Variants in PCBP4 observed in about 807,000 individuals in gnomAD.
The protein encoded by PCBP4 is poly(rC)-binding protein 4.
A neutral mutation model predicts 46.2 loss-of-function variants in PCBP4; 24 were observed. The observed-to-expected ratio is 0.52, with a 90% CI of 0.38 to 0.73. The LOEUF is 0.73. Ranked by LOEUF, PCBP4 falls within the 30% of genes least tolerant of loss-of-function variation. PCBP4 has a pLI of 0.00. For synonymous variants in PCBP4, 203 were observed against 224.4 expected (o/e 0.90, Z 0.85); for missense variants, 407 against 537.0 (o/e 0.76, Z 2.39).
rs775008289 is a variant in PCBP4, at chr3:51,958,869, C to T, written c.844G>A (p.Glu282Lys). Residue 282 changes from glutamate (E) to lysine (K), a missense_variant, in exon 13 of 14, where the codon GAG (glutamate) becomes AAG (lysine). Physicochemically the swap from Glu to Lys is moderately conservative, Grantham distance 56. Transcript: ENST00000461554. The surrounding 1 kb of genome is among the most constrained non-coding windows in gnomAD (Gnocchi z 5.4). Reference sequence around the variant, plus strand: ...GTGACATGCCGCTCCCCAGCGCCCTCTGCTTGGTTCCCGATCTTGATATGT... The same window carrying T: ...GTGACATGCCGCTCCCCAGCGCCCTTTGCTTGGTTCCCGATCTTGATATGT... ...GAHIKIGNQA[E>K]GAGERHVTIT... The T allele has an allele frequency of 6.2e-7, 1 of 1,614,006 alleles. No individual in the cohort carries two copies. The highest frequency in any genetic ancestry group is 1.7e-5 in the Admixed American group (1 of 60,006).
chr3:51,958,300 C>T lies in PCBP4; in HGVS notation c.973G>A (p.Ala325Thr), dbSNP rs770277994. 1.5e-5 allele frequency: 23 copies of T among 1,538,632 alleles called. No homozygotes were observed. The East Asian group carries it at 1.6e-4, about 11-fold the overall frequency. The change falls in exon 14 of 14, where the codon GCA (alanine) becomes ACA (threonine). Residue 325 changes from alanine (A) to threonine (T), a missense_variant. Coordinates refer to ENST00000461554, the MANE Select transcript of PCBP4 (RefSeq NM_001174100.2). This position sits in a 1 kb window ranked among gnomAD's most constrained non-coding sequence, Gnocchi z 5.4. Reference sequence around the variant, plus strand: ...GGCGAGAAGGGGGCAGGCAGGTCTGCGGGGGCCGAGCTGGGCGTCCCCCCA... The same window carrying T: ...GGCGAGAAGGGGGCAGGCAGGTCTGTGGGGGCCGAGCTGGGCGTCCCCCCA... ...TSGGTPSSAPADLPAPFSPPL... is the reference protein window; with the variant it reads ...TSGGTPSSAPTDLPAPFSPPL...
chr3:51,960,431 T>G lies in PCBP4; in HGVS notation c.255+95A>C. On this transcript the variant is annotated intron_variant, in intron 6 of 13. Transcript: ENST00000461554. The surrounding 1 kb of genome is among the most constrained non-coding windows in gnomAD (Gnocchi z 5.0). Reference sequence around the variant, plus strand: ...CTTCAAGGGAACACTGCCCTGGGCTTGACCTCCCCTCCCACCCATAGCCAC... The same window carrying G: ...CTTCAAGGGAACACTGCCCTGGGCTGGACCTCCCCTCCCACCCATAGCCAC... 1 of 1,557,272 alleles carries G rather than the reference T, an allele frequency of 6.4e-7. No individual in the cohort carries two copies. Among genetic ancestry groups the G allele is most frequent in the Non-Finnish European group, 8.8e-7 (1 of 1,133,372 alleles).
chr3:51,959,844 C>A lies in PCBP4; in HGVS notation c.516+51G>T, dbSNP rs1236611411. ...ATAGGGTTTGGGGTCCCCGACAAGG[C>A]AGACCCAGGGCCCATCTCCTGCCCC... On this transcript the variant is annotated intron_variant, in intron 8 of 13. Transcript: ENST00000461554. This position sits in a 1 kb window ranked among gnomAD's most constrained non-coding sequence, Gnocchi z 5.6. The A allele has an allele frequency of 2.6e-6, 4 of 1,553,530 alleles. No individual in the cohort carries two copies. Among genetic ancestry groups the A allele is most frequent in the Admixed American group, 1.9e-5 (1 of 53,082 alleles).
Position 51,959,204 on chromosome 3 carries a change from G to T in PCBP4, c.700+25C>A, listed in dbSNP as rs770014862. 6.2e-7 allele frequency: 1 copy of T among 1,613,540 alleles called. No homozygotes were observed. The highest frequency in any genetic ancestry group is 1.1e-5 in the South Asian group (1 of 91,072). ...GCTGCCCTCTTAGGACCCTCCCCCT[G>T]CCTCCTTGTGCAGGGGTGGCTTACC... On this transcript the variant is annotated intron_variant, in intron 11 of 13. Transcript: ENST00000461554. The surrounding 1 kb of genome is among the most constrained non-coding windows in gnomAD (Gnocchi z 5.6).
At chr3:51,961,893 G>T in intron 2 of PCBP4, 48 bp downstream of exon 2, 1 of 241,770 alleles carries the variant, frequency 4.1e-6, no homozygotes, top group Non-Finnish European at 6.7e-6. Context: ...GCCTGGTAAA[G>T]GCTTGAGGCA....
Position 51,959,481 on chromosome 3 carries a change from C to T in PCBP4, c.592-70G>A, listed in dbSNP as rs1577677143. 1 of 1,534,054 alleles carries T rather than the reference C, an allele frequency of 6.5e-7. No homozygotes were observed. The highest frequency in any genetic ancestry group is 2.4e-5 in the East Asian group (1 of 41,860). Reference sequence around the variant, plus strand: ...AGTTCAGCCAGAGTCACTCCTTCCCCCGTCCCTGGACCTCCAATTCCTTCT... The same window carrying T: ...AGTTCAGCCAGAGTCACTCCTTCCCTCGTCCCTGGACCTCCAATTCCTTCT... On this transcript the variant is annotated intron_variant, in intron 9 of 13. Transcript: ENST00000461554. This position sits in a 1 kb window ranked among gnomAD's most constrained non-coding sequence, Gnocchi z 5.6.
At chr3:51,966,968 T>G (rs902072205) in intron 1 of PCBP4, among the ~76,000 whole-genome samples, 4 of 151,112 alleles carry the variant, frequency 2.6e-5, no homozygotes, top group African/African-American at 7.3e-5. Context: ...TGGGAAGGAG[T>G]GTGTGCCCAG....
intron 1 of PCBP4, among the ~76,000 whole-genome samples, chr3:51,964,615 G>C (rs1700329570): frequency 6.6e-6 from 1 of 152,214 alleles, no homozygotes; most frequent in South Asian, 2.1e-4. Context: ...TGATGCTGGG[G>C]AATGGCTCGG....
chr3:51,963,383 A>T (rs1397983786), intron 1 of PCBP4: 1 of 152,128 alleles, frequency 6.6e-6, no homozygotes, highest in Non-Finnish European at 1.5e-5. Context: ...CTCCTTCGAA[A>T]GTGGGGATTG....
chr3:51,960,531 C>A lies in PCBP4; in HGVS notation c.250G>T (p.Asp84Tyr). Reference sequence around the variant, plus strand: ...TGCCCTGGCCAGCCACGGACCTCATCCAGTTTGAAAGCAATCATGGAGACT... The same window carrying A: ...TGCCCTGGCCAGCCACGGACCTCATACAGTTTGAAAGCAATCATGGAGACT... ...HAVSMIAFKL[D>Y]EDLCAAPANG... Residue 84 changes from aspartate (D) to tyrosine (Y), a missense_variant, in exon 6 of 14, where the codon GAT (aspartate) becomes TAT (tyrosine). By Grantham distance (160) the Asp-to-Tyr change is radical. Transcript: ENST00000461554. The surrounding 1 kb of genome is among the most constrained non-coding windows in gnomAD (Gnocchi z 5.0). 1 of 1,612,244 alleles carries A rather than the reference C, an allele frequency of 6.2e-7. No individual in the cohort carries two copies. The highest frequency in any genetic ancestry group is 8.5e-7 in the Non-Finnish European group (1 of 1,178,268).
Position 51,960,471 on chromosome 3 carries a change from G to A in PCBP4, c.255+55C>T, listed in dbSNP as rs1700096140. 6.4e-7 allele frequency: 1 copy of A among 1,560,674 alleles called. No homozygotes were observed. Among genetic ancestry groups the A allele is most frequent in the East Asian group, 2.2e-5 (1 of 44,544 alleles). On this transcript the variant is annotated intron_variant, in intron 6 of 13. Transcript: ENST00000461554. This position sits in a 1 kb window ranked among gnomAD's most constrained non-coding sequence, Gnocchi z 5.0. ...CCCATAGCCACTATCTGGAGTCAGA[G>A]TTGGGTTCCTCCTGGGGAACCACTC... is the stretch of plus-strand genomic sequence containing the variant.
chr3:51,959,592 A>G lies in PCBP4; in HGVS notation c.576T>C (p.Leu192=), dbSNP rs747433871. 7 of 1,552,752 alleles carry G rather than the reference A, an allele frequency of 4.5e-6. No individual in the cohort carries two copies. The South Asian group carries it at 8.3e-5, about 18-fold the overall frequency. ...YHPSLSLGTV[L]LSANQGFSVQ... ...TTCCCCTCACCTGGTTGGCAGAGAG[A>G]AGAACAGTACCTAGGGAGAGGCTCG... The change falls in exon 9 of 14, where the codon CTT becomes CTC. Residue 192 remains leucine (L), a synonymous_variant. Coordinates refer to ENST00000461554, the MANE Select transcript of PCBP4 (RefSeq NM_001174100.2). This position sits in a 1 kb window ranked among gnomAD's most constrained non-coding sequence, Gnocchi z 5.6.
Position 51,958,782 on chromosome 3 carries a change from G to A in PCBP4, c.923+8C>T, listed in dbSNP as rs568742243. The A allele has an allele frequency of 2.1e-5, 34 of 1,608,182 alleles. No individual in the cohort carries two copies. The highest frequency in any genetic ancestry group is 1.7e-4 in the Middle Eastern group (1 of 6,042). On this transcript the variant is annotated splice_region_variant and intron_variant, in intron 13 of 13. Transcript: ENST00000461554. This position sits in a 1 kb window ranked among gnomAD's most constrained non-coding sequence, Gnocchi z 5.4. ...CTGCTCCCCCACTGCCGCCCAGCCC[G>A]CGCTCACCAGGCAGTGATGAGGTAC... is the stretch of plus-strand genomic sequence containing the variant.
intron 3 of PCBP4, 39 bp downstream of exon 3, chr3:51,961,121 C>A (rs925319905): frequency 1.2e-6 from 2 of 1,613,788 alleles, no homozygotes; most frequent in Admixed American, 3.3e-5. Flanking sequence ...CCCAGCCCAG[C>A]CCAGCCTTGC....
At chr3:51,962,459 C>G (rs767648746) in intron 1 of PCBP4, among the ~76,000 whole-genome samples, 3 of 152,130 alleles carry the variant, frequency 2.0e-5, no homozygotes, top group Non-Finnish European at 4.4e-5. Context: ...GGGGAGCTCA[C>G]TGGGGGACCA....
Position 51,959,178 on chromosome 3 carries a change from G to T in PCBP4, c.700+51C>A, listed in dbSNP as rs1328126250. ...TTTCCACTCTCCCTGGAAGGGAGGG[G>T]GCTGCCCTCTTAGGACCCTCCCCCT... is the stretch of plus-strand genomic sequence containing the variant. On this transcript the variant is annotated intron_variant, in intron 11 of 13. Coordinates refer to ENST00000461554, the MANE Select transcript of PCBP4 (RefSeq NM_001174100.2). This position sits in a 1 kb window ranked among gnomAD's most constrained non-coding sequence, Gnocchi z 5.6. 6.2e-7 allele frequency: 1 copy of T among 1,610,038 alleles called. No individual in the cohort carries two copies.
rs1313060235 is a variant in PCBP4, at chr3:51,958,537, AG to A, written c.924-189del. 2.6e-5 allele frequency among the ~76,000 whole-genome samples: 4 copies of A among 151,804 alleles called. No homozygotes were observed. Among genetic ancestry groups the A allele is most frequent in the African/African-American group, 9.7e-5 (4 of 41,376 alleles). On this transcript the variant is annotated intron_variant, in intron 13 of 13. Coordinates refer to ENST00000461554, the MANE Select transcript of PCBP4 (RefSeq NM_001174100.2). This position sits in a 1 kb window ranked among gnomAD's most constrained non-coding sequence, Gnocchi z 5.4. The stretch of plus-strand genomic sequence containing the variant: ...GACAAGCAGATATAGCACGAGGTGC[AG>A]GGAGAAATGGGGTGGCCAGAGACCC...
Position 51,957,963 on chromosome 3 carries a change from GTTTGGGAC to G in PCBP4, c.*90_*97del. 8.4e-7 allele frequency: 1 copy of G among 1,193,414 alleles called. No individual in the cohort carries two copies. Among genetic ancestry groups the G allele is most frequent in the Non-Finnish European group, 1.2e-6 (1 of 856,218 alleles). The allele number at this position is 1,193,414 out of a possible 1,614,324, so 73.9% of individuals were successfully genotyped here. A position where few individuals can be genotyped will look rare whatever the true frequency, so the allele number is the denominator to read the frequency against. ...ATCCATGCGTCTGGGCGTTAGCGGC[GTTTGGGAC>G]CCCAGGGTGGAGTCTCCTTGGGCGG... On this transcript the variant is annotated 3_prime_UTR_variant, in exon 14 of 14. Coordinates refer to ENST00000461554, the MANE Select transcript of PCBP4 (RefSeq NM_001174100.2).
intron 1 of PCBP4, among the ~76,000 whole-genome samples, chr3:51,965,936 C>T (rs894932567): frequency 2.0e-5 from 3 of 152,026 alleles, no homozygotes; most frequent in South Asian, 2.1e-4. Flanking sequence ...GGGTGGGGTA[C>T]GTTTCACAGA....
Sources: allele counts gnomAD v4.1 joint callset (sites outside exome capture counted in the v4.1 genomes callset), GRCh38; gene constraint gnomAD v4.1.1; non-coding constraint Gnocchi (gnomAD v3.1); transcripts MANE v1.5; gene names NCBI Gene and HGNC (gene_info 2026-07-23, HGNC 2026-07-21).